The following ACMSD variants were observed in gnomAD, a reference collection of about 807,000 sequenced individuals.
ACMSD encodes aminocarboxymuconate semialdehyde decarboxylase, also known as 2-amino-3-carboxymuconate-6-semialdehyde decarboxylase.
In ACMSD, 37 loss-of-function variants were observed where a neutral mutation model predicts 45.9. The observed-to-expected ratio is 0.81, with a 90% CI of 0.62 to 1.06. ACMSD has a LOEUF of 1.06. Among genes scored for constraint, ACMSD ranks in the 50% least tolerant of loss-of-function variants. The probability of loss-of-function intolerance (pLI) is 0.00; values close to 1 mark genes in which losing one functional copy is unlikely to be tolerated. For synonymous variants in ACMSD, 138 were observed against 148.8 expected, an observed-to-expected ratio of 0.93 and a Z score of 0.53; for missense variants, 434 against 420.9, an observed-to-expected ratio of 1.03 and a Z score of -0.27.
intron 2 of ACMSD, among the ~76,000 whole-genome samples, chr2:134,853,381 T>C (rs1687438163): frequency 6.6e-6 from 1 of 151,864 alleles, no homozygotes; most frequent in Non-Finnish European, 1.5e-5. Flanking sequence ...ATTTAAAGTG[T>C]GTTATCTGGA....
intron 1 of ACMSD, among the ~76,000 whole-genome samples, chr2:134,840,194 C>CAAAAAAA (rs1300580743): frequency 4.4e-5 from 3 of 68,766 alleles, no homozygotes; most frequent in African/African-American, 6.0e-5. Flanking sequence ...AAAAAAAAAA[C>CAAAAAAA]CACTAATTCC....
chr2:134,854,807 C>G (rs1235350661), intron 2 of ACMSD, among the ~76,000 whole-genome samples: 1 of 143,264 alleles, frequency 7.0e-6, no homozygotes, highest in Non-Finnish European at 1.5e-5. Context: ...GTATAATGAT[C>G]CACATTTTAC....
At chr2:134,846,370 T>A (rs1241516650) in intron 2 of ACMSD, among the ~76,000 whole-genome samples, 1 of 152,104 alleles carries the variant, frequency 6.6e-6, no homozygotes, top group African/African-American at 2.4e-5. Flanking sequence ...TTAACAAGCC[T>A]CCTGGTGATT....
At chr2:134,865,209 A>G (rs746818646) in intron 5 of ACMSD, among the ~76,000 whole-genome samples, 1 of 152,226 alleles carries the variant, frequency 6.6e-6, no homozygotes, top group African/African-American at 2.4e-5. Context: ...TAATGACTTG[A>G]AAGATTTAAT....
In ACMSD at chr2:134,845,270, A is replaced by G; in HGVS notation, c.95A>G (p.His32Arg). Reference protein sequence around the residue: ...GYGGWVQLQHHSKGEAKLLKD... With the variant: ...GYGGWVQLQHRSKGEAKLLKD... ...GGAGGCTGGGTGCAGCTCCAACACCACAGCAAGGTGAGTTTCTTCCAAAGT... is the reference window on the plus strand; with the variant it reads ...GGAGGCTGGGTGCAGCTCCAACACCGCAGCAAGGTGAGTTTCTTCCAAAGT... Residue 32 changes from histidine (H) to arginine (R), a missense_variant, in exon 2 of 10, where the codon CAC (histidine) becomes CGC (arginine). By Grantham distance (29) the His-to-Arg change is conservative. Coordinates refer to ENST00000356140, the MANE Select transcript of ACMSD (RefSeq NM_138326.3). 3 of 1,614,062 alleles carry G rather than the reference A, an allele frequency of 1.9e-6. No homozygotes were observed. The highest frequency in any genetic ancestry group is 2.5e-6 in the Non-Finnish European group (3 of 1,179,984).
Position 134,898,430 on chromosome 2 carries a change from A to G in ACMSD, c.939A>G (p.Glu313=). 6.3e-7 allele frequency: 1 copy of G among 1,593,780 alleles called. No individual in the cohort carries two copies. Among genetic ancestry groups the G allele is most frequent in the South Asian group, 1.1e-5 (1 of 87,634 alleles). Residue 313 remains glutamate, a synonymous_variant, in exon 9 of 10, where the codon GAA becomes GAG. Coordinates refer to ENST00000356140, the MANE Select transcript of ACMSD (RefSeq NM_138326.3). ...TAGAGTCCATGGAAGAATTTGATGA[A>G]GAAACAAAGGTATAATGTCTTTTAC... ...KLIESMEEFD[E]ETKNKLKAGN...
intron 2 of ACMSD, among the ~76,000 whole-genome samples, chr2:134,857,042 C>T (rs962121112): frequency 3.9e-5 from 6 of 152,074 alleles, no homozygotes; most frequent in African/African-American, 1.2e-4. Flanking sequence ...TTTTTCCATT[C>T]GTCTGTGTCT....
At chr2:134,853,535 C>T (rs1687444243) in intron 2 of ACMSD, among the ~76,000 whole-genome samples, 1 of 152,044 alleles carries the variant, frequency 6.6e-6, no homozygotes, top group Non-Finnish European at 1.5e-5. Flanking sequence ...AGTTTAAGAT[C>T]TTGGTTAATG....
chr2:134,853,841 A>T (rs1687461664), intron 2 of ACMSD, among the ~76,000 whole-genome samples: 1 of 152,188 alleles, frequency 6.6e-6, no homozygotes, highest in Non-Finnish European at 1.5e-5. Context: ...GATGTGAAAA[A>T]GTGAAGTTTG....
chr2:134,849,449 C>A (rs1037750925), intron 2 of ACMSD, among the ~76,000 whole-genome samples: 3 of 152,124 alleles, frequency 2.0e-5, no homozygotes, highest in Admixed American at 2.0e-4. Flanking sequence ...AAACAACATG[C>A]AAATGTATAC....
At chr2:134,845,793 C>G (rs976337058) in intron 2 of ACMSD, among the ~76,000 whole-genome samples, 12 of 152,108 alleles carry the variant, frequency 7.9e-5, no homozygotes, top group Admixed American at 7.2e-4. Context: ...GGGCAAAGCC[C>G]TCTAGAAATA....
Position 134,867,583 on chromosome 2 carries a change from C to T in ACMSD, c.491C>T (p.Ala164Val), listed in dbSNP as rs1313743354. The T allele has an allele frequency of 1.4e-5, 23 of 1,612,998 alleles. No individual in the cohort carries two copies. The highest frequency in any genetic ancestry group is 1.9e-5 in the Non-Finnish European group (22 of 1,179,462). Residue 164 changes from alanine (A) to valine (V), a missense_variant, in exon 6 of 10, where the codon GCC becomes GTC. Ala to Val is a moderately conservative substitution (Grantham distance 64). Transcript: ENST00000356140. ...AQELFPVYAA[A>V]ERLKCSLFVH... ...TCTCTCATTGCTTCTTTGAAGGCAG[C>T]CGAAAGGCTGAAGTGTTCCCTGTTC...
At chr2:134,841,140 T>C (rs895919330) in intron 1 of ACMSD, among the ~76,000 whole-genome samples, 2 of 152,242 alleles carry the variant, frequency 1.3e-5, no homozygotes, top group African/African-American at 4.8e-5. Flanking sequence ...CACTTCGTAC[T>C]TCCAGGGAGA....
intron 8 of ACMSD, among the ~76,000 whole-genome samples, chr2:134,874,024 C>A (rs921168199): frequency 6.6e-6 from 1 of 152,148 alleles, no homozygotes; most frequent in Non-Finnish European, 1.5e-5. Context: ...AACACCATTG[C>A]CAAATCCAAA....
chr2:134,870,504 G>A (rs78930209), intron 6 of ACMSD, among the ~76,000 whole-genome samples: 2,965 of 152,194 alleles, frequency 0.019, 107 homozygotes, highest in East Asian at 0.14. Flanking sequence ...AGTTCTGTCC[G>A]GGAACTTGGC....
chr2:134,881,529 T>C (rs979565664), intron 8 of ACMSD, among the ~76,000 whole-genome samples: 1 of 152,184 alleles, frequency 6.6e-6, no homozygotes, highest in Non-Finnish European at 1.5e-5. Context: ...ATCCCCCTTC[T>C]GTACCTCTAC....
chr2:134,850,883 C>A (rs995124420), intron 2 of ACMSD, among the ~76,000 whole-genome samples: 5 of 152,090 alleles, frequency 3.3e-5, no homozygotes, highest in African/African-American at 1.2e-4. Context: ...TGATTGAACC[C>A]GCCACCCAGT....
chr2:134,847,473 T>G (rs1487163895), intron 2 of ACMSD, among the ~76,000 whole-genome samples: 1 of 151,904 alleles, frequency 6.6e-6, no homozygotes, highest in Non-Finnish European at 1.5e-5. Context: ...GAGATAGATA[T>G]ATATACTTTA....
At chr2:134,851,013 T>A (rs1031089632) in intron 2 of ACMSD, among the ~76,000 whole-genome samples, 1 of 152,196 alleles carries the variant, frequency 6.6e-6, no homozygotes, top group African/African-American at 2.4e-5. Context: ...GTAAACCCAA[T>A]GTTTGGCTTC....
Sources: gnomAD v4.1 joint callset for allele counts (sites outside exome capture counted in the v4.1 genomes callset) on GRCh38, gnomAD v4.1.1 for gene constraint, MANE v1.5 for transcripts, NCBI Gene and HGNC (gene_info 2026-07-23, HGNC 2026-07-21) for gene names.